The following UGT1A6 variants were observed in gnomAD, a reference collection of about 807,000 sequenced individuals.
UGT1A6 encodes the protein UDP-glucuronosyltransferase 1A6.
In UGT1A6, 32 loss-of-function variants were observed where a neutral mutation model predicts 44.4. That is an observed-to-expected ratio of 0.72 (90% confidence interval 0.54 to 0.97). The LOEUF is 0.97. Among genes scored for constraint, UGT1A6 ranks in the 50% least tolerant of loss-of-function variants. UGT1A6 has a pLI of 0.00. For synonymous variants in UGT1A6, 238 were observed against 248.5 expected, an observed-to-expected ratio of 0.96 and a Z score of 0.40; for missense variants, 685 against 661.9, an observed-to-expected ratio of 1.03 and a Z score of -0.38.
chr2:233,756,393 A>G (rs1203467562), intron 1 of UGT1A6: 1 of 152,036 alleles, frequency 6.6e-6, no homozygotes, highest in Non-Finnish European at 1.5e-5. Flanking sequence ...GTTTTACAGT[A>G]TTGGTTTTTT....
At chr2:233,765,774 T>C (rs944173037) in intron 1 of UGT1A6, among the ~76,000 whole-genome samples, 1 of 152,060 alleles carries the variant, frequency 6.6e-6, no homozygotes, top group Non-Finnish European at 1.5e-5. Context: ...GGGGGATTCA[T>C]TGGACCACTG....
chr2:233,730,275 C>T (rs2078008384), intron 1 of UGT1A6, among the ~76,000 whole-genome samples: 1 of 152,142 alleles, frequency 6.6e-6, no homozygotes, highest in Admixed American at 6.5e-5. Flanking sequence ...TTTGTAAAGG[C>T]ACCATCTTCA....
intron 1 of UGT1A6, among the ~76,000 whole-genome samples, chr2:233,739,421 G>C (rs1173496275): frequency 2.6e-5 from 4 of 152,188 alleles, no homozygotes; most frequent in African/African-American, 9.7e-5. Context: ...AAAGCAGCCA[G>C]GACGAGGGCT....
chr2:233,755,285 A>G (rs1468695441), intron 1 of UGT1A6: 11 of 681,694 alleles, frequency 1.6e-5, no homozygotes, highest in Non-Finnish European at 2.3e-6. Context: ...ACTGCCAAAG[A>G]GCCTGCGGGG....
intron 1 of UGT1A6, chr2:233,718,729 G>A: frequency 6.2e-7 from 1 of 1,611,182 alleles, no homozygotes; most frequent in African/African-American, 1.3e-5. Flanking sequence ...GATTTGCTAG[G>A]TGGCTCAATG....
intron 1 of UGT1A6, chr2:233,747,179 G>A: frequency 3.7e-6 from 6 of 1,601,464 alleles, no homozygotes; most frequent in Non-Finnish European, 3.4e-6. Context: ...GCACAGCGTG[G>A]GGTGGACAGT....
At chr2:233,760,403 A>G in intron 1 of UGT1A6, 1 of 1,614,240 alleles carries the variant, frequency 6.2e-7, no homozygotes, top group Non-Finnish European at 8.5e-7. Context: ...GATGGCAGCC[A>G]CTGGCTGAGC....
At chr2:233,743,741 G>A (rs374389189) in intron 1 of UGT1A6, 31 of 1,367,230 alleles carry the variant, frequency 2.3e-5, no homozygotes, top group Admixed American at 3.8e-5. Flanking sequence ...GCGTTTCTTG[G>A]CGTCCGACAA....
At chr2:233,738,152 A>T (rs1172003617) in intron 1 of UGT1A6, among the ~76,000 whole-genome samples, 1 of 152,050 alleles carries the variant, frequency 6.6e-6, no homozygotes, top group African/African-American at 2.4e-5. Flanking sequence ...CTTGCAAGCT[A>T]TTCCTCTTTC....
chr2:233,769,716 A>G lies in UGT1A6; in HGVS notation c.1301+1277A>G, dbSNP rs1255233011. 6.7e-7 allele frequency: 1 copy of G among 1,492,612 alleles called. No individual in the cohort carries two copies. Among genetic ancestry groups the G allele is most frequent in the East Asian group, 2.5e-5 (1 of 40,446 alleles). The allele number at this position is 1,492,612 out of a possible 1,614,324, so 92.5% of individuals were successfully genotyped here. A position where few individuals can be genotyped will look rare whatever the true frequency, so the allele number is the denominator to read the frequency against. Reference sequence around the variant, plus strand: ...GATAAAAGATCAATGTTGGCTAGGCACCATGGCACACGCCTGTAGTCCCAG... The same window carrying G: ...GATAAAAGATCAATGTTGGCTAGGCGCCATGGCACACGCCTGTAGTCCCAG... On this transcript the variant is annotated intron_variant, in intron 4 of 4. Coordinates refer to ENST00000305139, the MANE Select transcript of UGT1A6 (RefSeq NM_001072.4). The surrounding 1 kb of genome is among the most constrained non-coding windows in gnomAD (Gnocchi z 4.4).
chr2:233,750,666 G>A (rs931346002), intron 1 of UGT1A6: 3 of 149,178 alleles, frequency 2.0e-5, no homozygotes, highest in Non-Finnish European at 2.9e-5. Flanking sequence ...GGTGCCCTGT[G>A]TCCCAGTGGC....
At chr2:233,760,058 T>C (rs749323547) in intron 1 of UGT1A6, among the ~76,000 whole-genome samples, 16 of 152,188 alleles carry the variant, frequency 1.1e-4, no homozygotes, top group Non-Finnish European at 2.1e-4. Context: ...CTCAAGAATG[T>C]GATTTGAGTA....
At chr2:233,754,376 GACAA>G in intron 1 of UGT1A6, 1 of 288,532 alleles carries the variant, frequency 3.5e-6, no homozygotes, top group Non-Finnish European at 6.7e-6. Context: ...ATGATCGAAA[GACAA>G]ACAGAGGTCC....
At chr2:233,717,158 G>A (rs75491591) in intron 1 of UGT1A6, among the ~76,000 whole-genome samples, 1 of 152,182 alleles carries the variant, frequency 6.6e-6, no homozygotes, top group Non-Finnish European at 1.5e-5. Flanking sequence ...GAACATGGGA[G>A]CCCCTTGAAT....
chr2:233,731,547 T>C (rs548605747), intron 1 of UGT1A6, among the ~76,000 whole-genome samples: 5 of 152,336 alleles, frequency 3.3e-5, no homozygotes, highest in African/African-American at 1.2e-4. Flanking sequence ...TGGTTTTCTG[T>C]CCATGTGATA....
chr2:233,718,694 G>C, intron 1 of UGT1A6: 1 of 1,591,628 alleles, frequency 6.3e-7, no homozygotes, highest in Non-Finnish European at 8.5e-7. Context: ...CTGGAGGAGG[G>C]CACTTTGTCT....
chr2:233,713,067 G>A (rs750927090), intron 1 of UGT1A6: 1 of 1,614,158 alleles, frequency 6.2e-7, no homozygotes, highest in Non-Finnish European at 8.5e-7. Flanking sequence ...CCAGCCCTGG[G>A]CTGAGAGTGG....
At chr2:233,748,399 G>C (rs1575689614) in intron 1 of UGT1A6, among the ~76,000 whole-genome samples, 1 of 151,790 alleles carries the variant, frequency 6.6e-6, no homozygotes, top group African/African-American at 2.4e-5. Flanking sequence ...AAGGAGCAGG[G>C]ACACTACATT....
At chr2:233,711,505 T>G (rs1445955965) in intron 1 of UGT1A6, among the ~76,000 whole-genome samples, 1 of 152,204 alleles carries the variant, frequency 6.6e-6, no homozygotes, top group Non-Finnish European at 1.5e-5. Context: ...AATCCCTTTC[T>G]AGCGCTCTGT....
Sources: allele counts gnomAD v4.1 joint callset (sites outside exome capture counted in the v4.1 genomes callset), GRCh38; gene constraint gnomAD v4.1.1; non-coding constraint Gnocchi (gnomAD v3.1); transcripts MANE v1.5; gene names NCBI Gene and HGNC (gene_info 2026-07-23, HGNC 2026-07-21).